NRXN3: variants seen among roughly 807,000 people sequenced by gnomAD.
NRXN3 encodes the protein neurexin 3, also known as neurexin III.
A neutral mutation model predicts 137.6 loss-of-function variants in NRXN3; 32 were observed. The observed-to-expected ratio is 0.23, with a 90% CI of 0.18 to 0.31. The LOEUF is 0.31. NRXN3 is among the 10% of genes least tolerant of loss of function. NRXN3 has a pLI of 1.00. For synonymous variants in NRXN3, 798 were observed against 784.5 expected (o/e 1.02, Z -0.29); for missense variants, 1,574 against 2,062.5 (o/e 0.76, Z 4.59).
intron 2 of NRXN3, among the ~76,000 whole-genome samples, chr14:78,263,452 A>G (rs1440380671): frequency 4.6e-5 from 7 of 152,196 alleles, no homozygotes; most frequent in Non-Finnish European, 4.4e-5. Flanking sequence ...TGTTGGCATA[A>G]TCGGAATTAG....
At chr14:79,719,474 C>T (rs1027600114) in intron 19 of NRXN3, among the ~76,000 whole-genome samples, 5 of 150,220 alleles carry the variant, frequency 3.3e-5, no homozygotes, top group African/African-American at 7.4e-5. Context: ...ATCTATGAAC[C>T]TGATTTCTGT....
At chr14:78,293,485 ACT>A (rs2076007851) in intron 3 of NRXN3, among the ~76,000 whole-genome samples, 1 of 151,870 alleles carries the variant, frequency 6.6e-6, no homozygotes, top group African/African-American at 2.4e-5. Flanking sequence ...TATTTCTGTT[ACT>A]GTTTCCCCCA....
At chr14:79,589,525 A>T (rs2097786253) in intron 16 of NRXN3, among the ~76,000 whole-genome samples, 1 of 148,592 alleles carries the variant, frequency 6.7e-6, no homozygotes. Flanking sequence ...ATGAACACTT[A>T]AGAGAGAATA....
intron 8 of NRXN3, among the ~76,000 whole-genome samples, chr14:78,795,472 A>G (rs185631318): frequency 1.2e-4 from 19 of 152,316 alleles, no homozygotes; most frequent in African/African-American, 4.6e-4. Flanking sequence ...GAGAGAAGTC[A>G]TTGATTATTG....
chr14:79,011,615 G>T (rs1157845657), intron 15 of NRXN3, among the ~76,000 whole-genome samples: 2 of 151,806 alleles, frequency 1.3e-5, no homozygotes, highest in Non-Finnish European at 2.9e-5. Context: ...TTGGAAAAAA[G>T]CATCAATAAA....
At chr14:78,361,628 G>A (rs1161689298) in intron 4 of NRXN3, among the ~76,000 whole-genome samples, 1 of 152,162 alleles carries the variant, frequency 6.6e-6, no homozygotes, top group Non-Finnish European at 1.5e-5. Flanking sequence ...GGGTGAGAGT[G>A]TAGATTAATC....
chr14:79,626,288 C>T (rs1001168238), intron 16 of NRXN3, among the ~76,000 whole-genome samples: 2 of 151,914 alleles, frequency 1.3e-5, no homozygotes, highest in Admixed American at 1.3e-4. Flanking sequence ...AGAGCTAGAT[C>T]TTCAAGGCAG....
Position 78,926,989 on chromosome 14 carries a change from T to TA in NRXN3, c.2276-30252dup, listed in dbSNP as rs535595516. ...ATATAATATATAATATATTTTTATA[T>TA]ATATATATAATATATATATGCCAAA... On this transcript the variant is annotated intron_variant, in intron 10 of 20. Coordinates refer to ENST00000335750, the MANE Select transcript of NRXN3 (RefSeq NM_001330195.2). Among the ~76,000 whole-genome samples, 33 of 80,898 alleles carry TA rather than the reference T, an allele frequency of 4.1e-4. 2 individuals carry two copies. Among genetic ancestry groups the TA allele is most frequent in the African/African-American group, 1.8e-3 (32 of 17,598 alleles). 53.1% of individuals were successfully genotyped at this position (80,898 alleles called of 152,430 possible).
intron 20 of NRXN3, among the ~76,000 whole-genome samples, chr14:79,826,971 T>C (rs1205351409): frequency 6.6e-6 from 1 of 152,134 alleles, no homozygotes; most frequent in African/African-American, 2.4e-5. Context: ...GTGTTTCATC[T>C]AGTATTCATT....
intron 15 of NRXN3, among the ~76,000 whole-genome samples, chr14:79,118,594 C>A (rs926754488): frequency 5.9e-5 from 9 of 152,170 alleles, no homozygotes; most frequent in African/African-American, 1.9e-4. Flanking sequence ...GCCTCAAGCC[C>A]GCCCACAGTA....
chr14:79,270,223 G>C (rs1021034666), intron 15 of NRXN3, among the ~76,000 whole-genome samples: 2 of 152,184 alleles, frequency 1.3e-5, no homozygotes, highest in South Asian at 2.1e-4. Context: ...GCCTTGCAGT[G>C]AATCTTTGAT....
intron 19 of NRXN3, among the ~76,000 whole-genome samples, chr14:79,802,931 C>T (rs369934043): frequency 2.6e-5 from 4 of 152,154 alleles, no homozygotes; most frequent in South Asian, 2.1e-4. Context: ...AGCTGATACA[C>T]GCGGGGCTTA....
chr14:78,215,745 G>A (rs923542458), intron 1 of NRXN3, among the ~76,000 whole-genome samples: 4 of 119,122 alleles, frequency 3.4e-5, no homozygotes, highest in Non-Finnish European at 6.8e-5. Context: ...TTGTGCTGGG[G>A]GGGTTTCGTT....
intron 18 of NRXN3, among the ~76,000 whole-genome samples, chr14:79,695,437 T>C (rs1387948933): frequency 6.6e-6 from 1 of 151,932 alleles, no homozygotes; most frequent in Non-Finnish European, 1.5e-5. Flanking sequence ...CCAGCAGTTG[T>C]GTGCATGGAA....
chr14:79,354,714 A>G (rs1242094760), intron 15 of NRXN3, among the ~76,000 whole-genome samples: 1 of 152,214 alleles, frequency 6.6e-6, no homozygotes, highest in Non-Finnish European at 1.5e-5. Flanking sequence ...TTGTTAAAAT[A>G]CCGGAAGGAT....
At chr14:79,273,275 T>C (rs1235193435) in intron 15 of NRXN3, among the ~76,000 whole-genome samples, 1 of 151,986 alleles carries the variant, frequency 6.6e-6, no homozygotes, top group Non-Finnish European at 1.5e-5. Context: ...TTTTCTTGTT[T>C]AGTCTTTTAA....
chr14:79,720,747 T>C (rs2098841724), intron 19 of NRXN3, among the ~76,000 whole-genome samples: 1 of 152,176 alleles, frequency 6.6e-6, no homozygotes, highest in African/African-American at 2.4e-5. Flanking sequence ...ATTATCAGAC[T>C]ATTTTAACTA....
chr14:79,238,658 T>C (rs1157146297), intron 15 of NRXN3, among the ~76,000 whole-genome samples: 2 of 152,144 alleles, frequency 1.3e-5, no homozygotes, highest in African/African-American at 2.4e-5. Flanking sequence ...ATAATATCAG[T>C]AGGTCTAGAA....
chr14:78,697,107 A>G (rs143793060), intron 6 of NRXN3, among the ~76,000 whole-genome samples: 1 of 152,200 alleles, frequency 6.6e-6, no homozygotes, highest in Non-Finnish European at 1.5e-5. Context: ...AAAATTATTT[A>G]TCACACCTAG....
Sources: allele counts gnomAD v4.1 joint callset (sites outside exome capture counted in the v4.1 genomes callset), GRCh38; gene constraint gnomAD v4.1.1; transcripts MANE v1.5; gene names NCBI Gene and HGNC (gene_info 2026-07-23, HGNC 2026-07-21).